KAT6B: variants seen among roughly 807,000 people sequenced by gnomAD.
KAT6B encodes lysine acetyltransferase 6B, also known as histone acetyltransferase KAT6B.
In KAT6B, 10 loss-of-function variants were observed where a neutral mutation model predicts 187.5. The ratio of observed to expected loss-of-function variants is 0.05; its 90% CI spans 0.03 to 0.09. The LOEUF (loss-of-function observed/expected upper bound fraction) is 0.09. Ranked by LOEUF, KAT6B falls within the 10% of genes least tolerant of loss-of-function variation. KAT6B has a pLI of 1.00. For synonymous variants in KAT6B, 861 were observed against 926.8 expected (o/e 0.93, Z 1.29); for missense variants, 1,952 against 2,558.9 (o/e 0.76, Z 5.12).
chr10:74,854,148 T>A (rs1001110245), intron 3 of KAT6B, among the ~76,000 whole-genome samples: 1 of 152,242 alleles, frequency 6.6e-6, no homozygotes, highest in African/African-American at 2.4e-5. Context: ...AAACATCAAT[T>A]AGCTCACCAA....
At chr10:74,947,526 CTG>C (rs1160482987) in intron 3 of KAT6B, among the ~76,000 whole-genome samples, 1 of 152,218 alleles carries the variant, frequency 6.6e-6, no homozygotes, top group African/African-American at 2.4e-5. Context: ...CAAACATCTA[CTG>C]TGTGTATAAT....
intron 3 of KAT6B, among the ~76,000 whole-genome samples, chr10:74,920,357 C>T (rs193293307): frequency 3.3e-5 from 5 of 152,300 alleles, no homozygotes; most frequent in East Asian, 1.9e-4. Context: ...CAGAATTTCA[C>T]ATCAGCTTTA....
At chr10:74,982,870 C>G (rs1448219423) in intron 11 of KAT6B, 1 of 152,200 alleles carries the variant, frequency 6.6e-6, no homozygotes, top group African/African-American at 2.4e-5. Flanking sequence ...CTGAATTGTT[C>G]AGGCTGAAAC....
At chr10:74,995,270 C>T (rs916310812) in intron 13 of KAT6B, among the ~76,000 whole-genome samples, 33 of 152,202 alleles carry the variant, frequency 2.2e-4, no homozygotes, top group African/African-American at 7.7e-4. Flanking sequence ...TTAAATGTTA[C>T]TAGAGTTAGT....
intron 3 of KAT6B, among the ~76,000 whole-genome samples, chr10:74,903,097 G>A (rs929046410): frequency 6.6e-6 from 1 of 152,272 alleles, no homozygotes; most frequent in Admixed American, 6.5e-5. Context: ...AGGGATTTTG[G>A]CAGTATTGTG....
chr10:74,990,497 G>A (rs1281340656), intron 13 of KAT6B, among the ~76,000 whole-genome samples: 1 of 152,108 alleles, frequency 6.6e-6, no homozygotes, highest in East Asian at 1.9e-4. Context: ...TATTGACATT[G>A]AAGAATATGA....
intron 14 of KAT6B, 44 bp downstream of exon 14, chr10:75,020,857 A>C: frequency 6.5e-7 from 1 of 1,527,078 alleles, no homozygotes. Context: ...CAGGCATCCC[A>C]CACCAGAAAG....
chr10:74,967,931 A>G (rs1372762696), intron 4 of KAT6B, among the ~76,000 whole-genome samples: 1 of 152,218 alleles, frequency 6.6e-6, no homozygotes, highest in Admixed American at 6.5e-5. Flanking sequence ...CAGTGCGTGA[A>G]ATTGAGGTCA....
At chr10:74,955,382 A>ATC (rs1554832504) in intron 3 of KAT6B, among the ~76,000 whole-genome samples, 6 of 41,350 alleles carry the variant, frequency 1.5e-4, no homozygotes, top group African/African-American at 2.9e-4. Context: ...ACACAATTTT[A>ATC]TCCCCCCCCC....
At chr10:74,953,516 C>G (rs1055319295) in intron 3 of KAT6B, among the ~76,000 whole-genome samples, 11 of 152,106 alleles carry the variant, frequency 7.2e-5, no homozygotes, top group African/African-American at 2.2e-4. Context: ...GCGTTTAAAT[C>G]TGGGTCTTTC....
Position 74,975,383 on chromosome 10 carries a change from C to G in KAT6B, c.1062-16C>G, listed in dbSNP as rs886038587. ...ATTTATTAAATGCTGATACTATTCT[C>G]TAAATTTCTGCCTAGGTCTGTAACC... is the stretch of plus-strand genomic sequence containing the variant. On this transcript the variant is annotated splice_polypyrimidine_tract_variant and intron_variant, in intron 7 of 17. Transcript: ENST00000287239. 3 of 1,608,072 alleles carry G rather than the reference C, an allele frequency of 1.9e-6. No individual in the cohort carries two copies. Among genetic ancestry groups the G allele is most frequent in the Non-Finnish European group, 2.6e-6 (3 of 1,174,662 alleles).
At chr10:74,987,608 T>G (rs1020308408) in intron 12 of KAT6B, among the ~76,000 whole-genome samples, 3 of 152,194 alleles carry the variant, frequency 2.0e-5, no homozygotes, top group African/African-American at 7.2e-5. Flanking sequence ...AATTGTTACA[T>G]GCATATGACT....
At chr10:74,915,920 T>TCTTTGG (rs1484995485) in intron 3 of KAT6B, among the ~76,000 whole-genome samples, 1 of 152,122 alleles carries the variant, frequency 6.6e-6, no homozygotes, top group Non-Finnish European at 1.5e-5. Flanking sequence ...TAATCCCAGC[T>TCTTTGG]CTTTGGGAGG....
chr10:74,920,168 T>C (rs1301903106), intron 3 of KAT6B, among the ~76,000 whole-genome samples: 1 of 152,260 alleles, frequency 6.6e-6, no homozygotes, highest in Non-Finnish European at 1.5e-5. Context: ...TTCTGCCTTC[T>C]GCCTAGGTTG....
At chr10:74,848,708 C>T (rs971237003) in intron 3 of KAT6B, among the ~76,000 whole-genome samples, 1 of 152,014 alleles carries the variant, frequency 6.6e-6, no homozygotes, top group African/African-American at 2.4e-5. Flanking sequence ...TGCCTAGTAG[C>T]CATTTTAAAA....
chr10:74,972,639 T>G lies in KAT6B; in HGVS notation c.1061T>G (p.Leu354Trp), dbSNP rs1245804566. 1.2e-6 allele frequency: 2 copies of G among 1,612,640 alleles called. No homozygotes were observed. The highest frequency in any genetic ancestry group is 2.7e-5 in the African/African-American group (2 of 74,872). Residue 354 changes from leucine (L) to tryptophan (W), a missense_variant and splice_region_variant, in exon 7 of 18, where the codon TTG becomes TGG. Coordinates refer to ENST00000287239, the MANE Select transcript of KAT6B (RefSeq NM_012330.4). ...AAAAATAAATTAAAGCAACGATTGT[T>G]GTAGGTTGAGATCTTATCAAAAGAA... ...RPKNKLKQRL[L>W]SVTSDEGSMN...
chr10:74,938,130 CGTT>C (rs550787664), intron 3 of KAT6B, among the ~76,000 whole-genome samples: 1 of 152,030 alleles, frequency 6.6e-6, no homozygotes, highest in Non-Finnish European at 1.5e-5. Context: ...TTGTTGTTGT[CGTT>C]GTTGTTTTTA....
chr10:74,876,715 A>G (rs1024438996), intron 3 of KAT6B, among the ~76,000 whole-genome samples: 3 of 151,964 alleles, frequency 2.0e-5, no homozygotes, highest in African/African-American at 7.2e-5. Context: ...GGAGTTTGAC[A>G]CCAGCCTGGC....
At chr10:74,969,284 C>A (rs943715810) in intron 4 of KAT6B, among the ~76,000 whole-genome samples, 3 of 152,112 alleles carry the variant, frequency 2.0e-5, no homozygotes, top group Admixed American at 6.5e-5. Context: ...TTTGGCAACT[C>A]CCCTCAGTGT....
Sources: gnomAD v4.1 joint callset for allele counts (sites outside exome capture counted in the v4.1 genomes callset) on GRCh38, gnomAD v4.1.1 for gene constraint, MANE v1.5 for transcripts, NCBI Gene and HGNC (gene_info 2026-07-23, HGNC 2026-07-21) for gene names.